Variants in SNX29 observed in about 807,000 individuals in gnomAD.
SNX29 encodes the protein sorting nexin-29.
In SNX29, 78 loss-of-function variants were observed where a neutral mutation model predicts 102.1. The ratio of observed to expected loss-of-function variants is 0.76; its 90% CI spans 0.64 to 0.92. The LOEUF (loss-of-function observed/expected upper bound fraction) is 0.92. Ranked by LOEUF, SNX29 falls within the 40% of genes least tolerant of loss-of-function variation. The pLI is 0.00. For synonymous variants in SNX29, 580 were observed against 414.5 expected (o/e 1.40, Z -4.85); for missense variants, 1,280 against 1,061.7 (o/e 1.21, Z -2.86).
At chr16:12,533,135 C>G (rs557509068) in intron 20 of SNX29, among the ~76,000 whole-genome samples, 1 of 152,258 alleles carries the variant, frequency 6.6e-6, no homozygotes, top group East Asian at 1.9e-4. Context: ...CTTAGAAACA[C>G]GGCCGCCTTT....
chr16:12,107,372 C>A (rs1332271849), intron 11 of SNX29, among the ~76,000 whole-genome samples: 2 of 144,608 alleles, frequency 1.4e-5, no homozygotes, highest in African/African-American at 5.1e-5. Flanking sequence ...GTTTTTGCTT[C>A]GAAAGAATTT....
chr16:12,527,516 A>G (rs1291070067), intron 20 of SNX29: 2 of 404,760 alleles, frequency 4.9e-6, no homozygotes, highest in East Asian at 4.2e-5. Context: ...ATTGTTCACT[A>G]AAGAGAGGGC....
intron 20 of SNX29, among the ~76,000 whole-genome samples, chr16:12,565,841 CCTCCTCCGGGAAGCCCTCTGT>C (rs1297125663): frequency 6.6e-6 from 1 of 152,218 alleles, no homozygotes; most frequent in Non-Finnish European, 1.5e-5. Context: ...CACACCTCTG[CCTCCTCCGGGAAGCCCTCTGT>C]GCCCTGCTCA....
chr16:12,477,031 G>C (rs1212694466), intron 18 of SNX29, among the ~76,000 whole-genome samples: 1 of 152,172 alleles, frequency 6.6e-6, no homozygotes, highest in Non-Finnish European at 1.5e-5. Context: ...TTGTGATGAA[G>C]TTGCTACTTG....
intron 3 of SNX29, among the ~76,000 whole-genome samples, chr16:12,022,755 T>C (rs2151099584): frequency 6.6e-6 from 1 of 152,308 alleles, no homozygotes; most frequent in Middle Eastern, 3.4e-3. Flanking sequence ...ACCATGGTTA[T>C]GTTAAGGACT....
intron 19 of SNX29, among the ~76,000 whole-genome samples, chr16:12,485,714 A>G (rs1220951414): frequency 6.6e-6 from 1 of 152,306 alleles, no homozygotes; most frequent in East Asian, 1.9e-4. Context: ...AGGCGAATTA[A>G]GGTTCGGTCT....
chr16:12,307,946 A>G (rs2080393186), intron 15 of SNX29, among the ~76,000 whole-genome samples: 1 of 152,172 alleles, frequency 6.6e-6, no homozygotes, highest in Non-Finnish European at 1.5e-5. Context: ...GGTCTGTTTG[A>G]GTTGTCTTCA....
At position 12,156,287 on chromosome 16, in the gene SNX29, C is replaced by G. The variant is rs375000718; in HGVS notation, c.1595+26529C>G. Among the ~76,000 whole-genome samples, 55 of 152,348 alleles carry G rather than the reference C, an allele frequency of 3.6e-4. No homozygotes were observed. The East Asian group carries it at 0.01, about 29-fold the overall frequency. ...CTCCCAGATTCAAGCGATTCTCCTG[C>G]CTCAGTCTCCTGAGTAGCTGGGACT... is the stretch of plus-strand genomic sequence containing the variant. On this transcript the variant is annotated intron_variant, in intron 13 of 20. Coordinates refer to ENST00000566228, the MANE Select transcript of SNX29 (RefSeq NM_032167.5).
chr16:12,223,453 G>C (rs896559100), intron 14 of SNX29, among the ~76,000 whole-genome samples: 1 of 152,196 alleles, frequency 6.6e-6, no homozygotes, highest in Non-Finnish European at 1.5e-5. Flanking sequence ...CCTGAAGTCA[G>C]GAGTTTGAGA....
At chr16:12,523,905 A>C (rs185192182) in intron 19 of SNX29, among the ~76,000 whole-genome samples, 3 of 152,014 alleles carry the variant, frequency 2.0e-5, no homozygotes, top group Non-Finnish European at 2.9e-5. Context: ...TGTGTGTGTG[A>C]GATGGAGTTT....
At chr16:12,154,005 T>TG (rs1407706686) in intron 13 of SNX29, among the ~76,000 whole-genome samples, 1 of 152,180 alleles carries the variant, frequency 6.6e-6, no homozygotes, top group African/African-American at 2.4e-5. Flanking sequence ...GGTATTTTAT[T>TG]GGGGAATGTT....
intron 11 of SNX29, among the ~76,000 whole-genome samples, chr16:12,125,024 G>A (rs888942987): frequency 2.6e-5 from 4 of 152,184 alleles, no homozygotes; most frequent in African/African-American, 4.8e-5. Flanking sequence ...GGGCTGCGCG[G>A]CTCAGGGGAG....
At chr16:12,420,229 A>C (rs1232201704) in intron 18 of SNX29, among the ~76,000 whole-genome samples, 1 of 152,240 alleles carries the variant, frequency 6.6e-6, no homozygotes, top group African/African-American at 2.4e-5. Flanking sequence ...GCGAAGTTTC[A>C]CATTAATACT....
At chr16:12,078,805 T>C in intron 10 of SNX29, 28 bp from the exon 11 acceptor site, 1 of 1,576,474 alleles carries the variant, frequency 6.3e-7, no homozygotes, top group Non-Finnish European at 8.6e-7. Flanking sequence ...TGGCCGAGTG[T>C]AACTTCCTCC....
At chr16:12,362,947 A>G (rs565437625) in intron 16 of SNX29, among the ~76,000 whole-genome samples, 1 of 152,232 alleles carries the variant, frequency 6.6e-6, no homozygotes, top group Non-Finnish European at 1.5e-5. Context: ...TGAATGAATG[A>G]ATGTCACCAG....
intron 1 of SNX29, among the ~76,000 whole-genome samples, chr16:11,982,834 A>G (rs564086428): frequency 4.9e-4 from 75 of 152,306 alleles, no homozygotes; most frequent in African/African-American, 1.8e-3. Context: ...GATTCATCAT[A>G]TATCAGAGTT....
At chr16:12,563,882 T>TC (rs2078871695) in intron 20 of SNX29, among the ~76,000 whole-genome samples, 2 of 152,224 alleles carry the variant, frequency 1.3e-5, no homozygotes. Context: ...TCTAGCCCCT[T>TC]GGGCCTCTGC....
rs769142843 is a variant in SNX29, at chr16:12,398,477, A to T, written c.1931A>T (p.Asp644Val). The T allele has an allele frequency of 6.2e-7, 1 of 1,613,976 alleles. No homozygotes were observed. The highest frequency in any genetic ancestry group is 8.5e-7 in the Non-Finnish European group (1 of 1,179,884). ...VPGDLSQTSE[D>V]QSLSDFEISN... Reference sequence around the variant, plus strand: ...GGAGATTTGAGTCAAACGTCCGAAGACCAGAGTTTGTCGGATTTTGAAATG... The same window carrying T: ...GGAGATTTGAGTCAAACGTCCGAAGTCCAGAGTTTGTCGGATTTTGAAATG... The change falls in exon 17 of 21, where the codon GAC becomes GTC. Residue 644 changes from aspartate to valine, a missense_variant. By Grantham distance (152) the Asp-to-Val change is radical. Coordinates refer to ENST00000566228, the MANE Select transcript of SNX29 (RefSeq NM_032167.5).
At chr16:12,251,029 C>T (rs1453348754) in intron 14 of SNX29, among the ~76,000 whole-genome samples, 2 of 152,234 alleles carry the variant, frequency 1.3e-5, no homozygotes, top group African/African-American at 4.8e-5. Flanking sequence ...CAGGGCCCTG[C>T]CCTCTGGGCT....
Sources: gnomAD v4.1 joint callset for allele counts (sites outside exome capture counted in the v4.1 genomes callset) on GRCh38, gnomAD v4.1.1 for gene constraint, MANE v1.5 for transcripts, NCBI Gene and HGNC (gene_info 2026-07-23, HGNC 2026-07-21) for gene names.